The following TNR variants were observed in gnomAD, a reference collection of about 807,000 sequenced individuals.
The protein encoded by TNR is tenascin-R.
Under a neutral mutation model 150.4 loss-of-function variants are expected in TNR, and 45 were observed. The observed-to-expected ratio is 0.30, with a 90% CI of 0.24 to 0.38. The LOEUF (loss-of-function observed/expected upper bound fraction) is 0.38, where lower values mean the gene tolerates loss of function less well. TNR is among the 10% of genes least tolerant of loss of function. The pLI is 1.00. For missense variants in TNR, 1,544 were observed against 1,759.1 expected (o/e 0.88, Z 2.19); for synonymous variants, 687 against 678.4 (o/e 1.01, Z -0.20).
At chr1:175,649,790 C>G (rs1664901021) in intron 1 of TNR, among the ~76,000 whole-genome samples, 1 of 152,070 alleles carries the variant, frequency 6.6e-6, no homozygotes, top group South Asian at 2.1e-4. Flanking sequence ...AGCTGTTTTT[C>G]TACCCTTACT....
At chr1:175,501,812 A>G (rs1451356005) in intron 2 of TNR, among the ~76,000 whole-genome samples, 2 of 152,198 alleles carry the variant, frequency 1.3e-5, no homozygotes, top group African/African-American at 4.8e-5. Context: ...CCATGTATTC[A>G]TATTTTCAAT....
chr1:175,367,406 T>C, intron 9 of TNR, 109 bp from the exon 10 acceptor site: 2 of 861,142 alleles, frequency 2.3e-6, no homozygotes, highest in East Asian at 2.5e-5. Context: ...TTGTGTTTAG[T>C]CCTCCTTGAA....
rs80015836 is a variant in TNR, at chr1:175,456,799, G to A, written c.-63-50022C>T. Among the ~76,000 whole-genome samples, 427 of 152,268 alleles carry A rather than the reference G, an allele frequency of 2.8e-3. 1 individual carries two copies. The highest frequency in any genetic ancestry group is 1.0e-2 in the African/African-American group (414 of 41,564). ...CAGTTCTAAAATTCTATGATTCTAA[G>A]TGACAAGCTCTATTATATCTTAAAA... is the stretch of plus-strand genomic sequence containing the variant. On this transcript the variant is annotated intron_variant, in intron 2 of 22. Transcript: ENST00000367674.
At position 175,684,539 on chromosome 1, in the gene TNR, C is replaced by A. The variant is rs138597849; in HGVS notation, c.-165+58687G>T. 7.0e-3 allele frequency among the ~76,000 whole-genome samples: 1,059 copies of A among 152,268 alleles called. 13 individuals carry two copies. Among genetic ancestry groups the A allele is most frequent in the African/African-American group, 0.024 (1,012 of 41,546 alleles). Reference sequence around the variant, plus strand: ...CCAGAGAAGTGGTATAACTGAACAACGTTACACAGGTGGTGGGTGACAAAG... The same window carrying A: ...CCAGAGAAGTGGTATAACTGAACAAAGTTACACAGGTGGTGGGTGACAAAG... On this transcript the variant is annotated intron_variant, in intron 1 of 22. Coordinates refer to ENST00000367674, the MANE Select transcript of TNR (RefSeq NM_003285.3).
At chr1:175,701,822 C>G (rs80216135) in intron 1 of TNR, among the ~76,000 whole-genome samples, 8,295 of 152,270 alleles carry the variant, frequency 0.054, 313 homozygotes, top group East Asian at 0.17. Context: ...GCCAGACCTA[C>G]TGAGTCACAA....
chr1:175,367,804 G>A (rs1489633088), intron 9 of TNR, among the ~76,000 whole-genome samples: 1 of 152,164 alleles, frequency 6.6e-6, no homozygotes, highest in Non-Finnish European at 1.5e-5. Flanking sequence ...AGGAACAGTG[G>A]ATGGACTTTT....
intron 1 of TNR, among the ~76,000 whole-genome samples, chr1:175,564,099 T>A (rs1558008468): frequency 6.6e-6 from 1 of 152,212 alleles, no homozygotes; most frequent in Non-Finnish European, 1.5e-5. Context: ...TTAAAAGTGC[T>A]CTCAAGGCAA....
chr1:175,381,843 C>A (rs1388406000), intron 8 of TNR, among the ~76,000 whole-genome samples: 3 of 152,244 alleles, frequency 2.0e-5, no homozygotes, highest in Non-Finnish European at 4.4e-5. Flanking sequence ...TCCGGCCCTG[C>A]CTGCTTCTCA....
chr1:175,636,954 T>C (rs1409961423), intron 1 of TNR, among the ~76,000 whole-genome samples: 1 of 152,228 alleles, frequency 6.6e-6, no homozygotes, highest in African/African-American at 2.4e-5. Flanking sequence ...ATACCAATAA[T>C]GAAGAAAGTG....
At chr1:175,703,392 G>A (rs56886101) in intron 1 of TNR, among the ~76,000 whole-genome samples, 2 of 152,136 alleles carry the variant, frequency 1.3e-5, no homozygotes, top group Non-Finnish European at 2.9e-5. Flanking sequence ...ACAGTTCTTG[G>A]TTCAGAGGCA....
At chr1:175,712,440 C>T (rs1001719751) in intron 1 of TNR, among the ~76,000 whole-genome samples, 10 of 152,064 alleles carry the variant, frequency 6.6e-5, no homozygotes, top group Admixed American at 2.6e-4. Flanking sequence ...TGACATAAGA[C>T]GAACTCAGGC....
intron 1 of TNR, among the ~76,000 whole-genome samples, chr1:175,663,177 A>T (rs1316960871): frequency 3.9e-5 from 6 of 152,080 alleles, no homozygotes; most frequent in Admixed American, 6.5e-5. Flanking sequence ...TCAGCTCCCC[A>T]AGCCGCCACG....
chr1:175,333,393 T>C (rs1446878361), intron 20 of TNR: 4 of 152,248 alleles, frequency 2.6e-5, no homozygotes, highest in Non-Finnish European at 4.4e-5. Flanking sequence ...TGTCTGCTTA[T>C]GGATGTATCG....
At chr1:175,355,727 G>A (rs909410130) in intron 16 of TNR, 94 bp from the exon 17 acceptor site, 14 of 1,554,652 alleles carry the variant, frequency 9.0e-6, no homozygotes, top group South Asian at 1.2e-5. Context: ...CACCTCTTTG[G>A]TCTCAGGATT....
chr1:175,419,354 A>G (rs1654648561), intron 2 of TNR, among the ~76,000 whole-genome samples: 1 of 152,228 alleles, frequency 6.6e-6, no homozygotes, highest in East Asian at 1.9e-4. Flanking sequence ...TGACAGCGTA[A>G]GAATACAGAT....
chr1:175,733,188 T>A (rs1667686571), intron 1 of TNR, among the ~76,000 whole-genome samples: 1 of 152,226 alleles, frequency 6.6e-6, no homozygotes, highest in Non-Finnish European at 1.5e-5. Context: ...GAACTTAAAA[T>A]GAAAAGGTCA....
At chr1:175,568,819 G>A (rs1312647332) in intron 1 of TNR, among the ~76,000 whole-genome samples, 2 of 152,168 alleles carry the variant, frequency 1.3e-5, no homozygotes, top group Non-Finnish European at 2.9e-5. Context: ...AGATGAAATG[G>A]AATACAATGA....
intron 18 of TNR, among the ~76,000 whole-genome samples, chr1:175,339,467 G>T (rs1557873588): frequency 6.6e-6 from 1 of 152,162 alleles, no homozygotes; most frequent in South Asian, 2.1e-4. Context: ...TACCCCTAGA[G>T]GCTACAGTTA....
In TNR at chr1:175,356,445, G is replaced by C; in HGVS notation, c.2992C>G (p.Leu998Val). The C allele has an allele frequency of 1.2e-6, 2 of 1,613,916 alleles. No homozygotes were observed. Among genetic ancestry groups the C allele is most frequent in the Non-Finnish European group, 1.7e-6 (2 of 1,179,894 alleles). Reference protein sequence around the residue: ...THFAVAGETILVDGVSEEFRL... With the variant: ...THFAVAGETIVVDGVSEEFRL... ...AATTCCTCACTGACTCCGTCAACAA[G>C]GATGGTCTCTCCAGCGACTGAACTC... is the stretch of plus-strand genomic sequence containing the variant. The change falls in exon 16 of 23, where the codon CTT becomes GTT. Residue 998 changes from leucine to valine, a missense_variant. Around this residue, in one of 2 missense-constraint regions of TNR, gnomAD observed 1,254 missense variants for 1,329.4 expected, o/e 0.94. Coordinates refer to ENST00000367674, the MANE Select transcript of TNR (RefSeq NM_003285.3).
Sources: gnomAD v4.1 joint callset for allele counts (sites outside exome capture counted in the v4.1 genomes callset) on GRCh38, gnomAD v4.1.1 for gene constraint, gnomAD v4.1.1 regional missense constraint, MANE v1.5 for transcripts, NCBI Gene and HGNC (gene_info 2026-07-23, HGNC 2026-07-21) for gene names.